Variants in AGAP1 observed in about 807,000 individuals in gnomAD.
AGAP1 encodes the protein arf-GAP with GTPase, ANK repeat and PH domain-containing protein 1.
A neutral mutation model predicts 105.3 loss-of-function variants in AGAP1; 29 were observed. The observed-to-expected ratio is 0.28, with a 90% CI of 0.21 to 0.38. AGAP1 has a LOEUF of 0.38. Ranked by LOEUF, AGAP1 falls within the 10% of genes least tolerant of loss-of-function variation. The probability of loss-of-function intolerance (pLI) is 1.00; values close to 1 mark genes in which losing one functional copy is unlikely to be tolerated. For synonymous variants in AGAP1, 509 were observed against 485.9 expected, an observed-to-expected ratio of 1.05 and a Z score of -0.63; for missense variants, 998 against 1,165.1, an observed-to-expected ratio of 0.86 and a Z score of 2.09.
At position 235,930,653 on chromosome 2, in the gene AGAP1, T is replaced by C; in HGVS notation, c.1325-112T>C. 2 of 1,108,806 alleles carry C rather than the reference T, an allele frequency of 1.8e-6. No homozygotes were observed. The highest frequency in any genetic ancestry group is 1.6e-5 in the South Asian group (1 of 63,640). 68.7% of individuals were successfully genotyped at this position (1,108,806 alleles called of 1,614,324 possible). The stretch of plus-strand genomic sequence containing the variant: ...GCCATGCAGGCAGGACAGGGGCTGC[T>C]CTCGGTGGTAAGGTGCACTATGTGC... On this transcript the variant is annotated intron_variant, in intron 11 of 17. Transcript: ENST00000304032. This position sits in a 1 kb window ranked among gnomAD's most constrained non-coding sequence, Gnocchi z 7.9.
intron 3 of AGAP1, among the ~76,000 whole-genome samples, chr2:235,718,908 C>G (rs971327252): frequency 6.6e-6 from 1 of 152,194 alleles, no homozygotes; most frequent in African/African-American, 2.4e-5. Context: ...TGTCAGGGCT[C>G]TGTCCCTGGG....
intron 1 of AGAP1, among the ~76,000 whole-genome samples, chr2:235,540,263 G>A (rs1337016086): frequency 1.3e-5 from 2 of 150,608 alleles, no homozygotes; most frequent in Non-Finnish European, 2.9e-5. Flanking sequence ...CAATTCTCGT[G>A]CCTCAGCTTC....
At position 236,073,397 on chromosome 2, in the gene AGAP1, G is replaced by A. The variant is rs114683206; in HGVS notation, c.2114+24116G>A. Among the ~76,000 whole-genome samples, 295 of 152,304 alleles carry A rather than the reference G, an allele frequency of 1.9e-3. 1 individual carries two copies. Among genetic ancestry groups the A allele is most frequent in the African/African-American group, 6.8e-3 (283 of 41,570 alleles). ...CGTTTCAAGCATCTGATGGCCACAT[G>A]TGGCCCATGTTTGGCAATCATGGGT... On this transcript the variant is annotated intron_variant, in intron 16 of 17. Coordinates refer to ENST00000304032, the MANE Select transcript of AGAP1 (RefSeq NM_001037131.3). The surrounding 1 kb of genome is among the most constrained non-coding windows in gnomAD (Gnocchi z 5.4).
At position 235,936,052 on chromosome 2, in the gene AGAP1, C is replaced by T. The variant is rs541475583; in HGVS notation, c.1483+5129C>T. ...GCTAATGCTGTTGCCATGGCAGCCT[C>T]GCTCCCCCAGCCCTGGACTGTCAGG... On this transcript the variant is annotated intron_variant, in intron 12 of 17. Transcript: ENST00000304032. The surrounding 1 kb of genome is among the most constrained non-coding windows in gnomAD (Gnocchi z 4.7). Among the ~76,000 whole-genome samples, 3 of 152,204 alleles carry T rather than the reference C, an allele frequency of 2.0e-5. No homozygotes were observed. The highest frequency in any genetic ancestry group is 2.9e-5 in the Non-Finnish European group (2 of 68,038).
At chr2:236,118,451 G>T (rs1320508990) in intron 16 of AGAP1, among the ~76,000 whole-genome samples, 1 of 146,190 alleles carries the variant, frequency 6.8e-6, no homozygotes, top group African/African-American at 2.6e-5. Context: ...GTGCAGTGGC[G>T]CAATCTCAGC....
rs1323132567 is a variant in AGAP1, at chr2:235,670,947, C to T, written c.164-38232C>T. 4 of 1,318,562 alleles carry T rather than the reference C, an allele frequency of 3.0e-6. No homozygotes were observed. In the South Asian group the frequency reaches 6.7e-5, roughly 22 times the overall value. The allele number at this position is 1,318,562 out of a possible 1,614,324, so 81.7% of individuals were successfully genotyped here. On this transcript the variant is annotated intron_variant, in intron 1 of 17. Coordinates refer to ENST00000304032, the MANE Select transcript of AGAP1 (RefSeq NM_001037131.3). ...AGGGACGGGGGCCCGGGCGGCGGGC[C>T]CTCGCCACGGAGCGGAGCCTCGCGG...
chr2:235,872,525 C>T lies in AGAP1; in HGVS notation c.1051-10820C>T, dbSNP rs542102392. Among the ~76,000 whole-genome samples, 2 of 152,210 alleles carry T rather than the reference C, an allele frequency of 1.3e-5. No homozygotes were observed. The highest frequency in any genetic ancestry group is 2.9e-5 in the Non-Finnish European group (2 of 68,038). On this transcript the variant is annotated intron_variant, in intron 9 of 17. Coordinates refer to ENST00000304032, the MANE Select transcript of AGAP1 (RefSeq NM_001037131.3). The surrounding 1 kb of genome is among the most constrained non-coding windows in gnomAD (Gnocchi z 4.5). ...GCACTCACTGACAGGAACTCTCTTCCTGAGCATCTCAGGCAGAGCCTTCCG... is the reference window on the plus strand; with the variant it reads ...GCACTCACTGACAGGAACTCTCTTCTTGAGCATCTCAGGCAGAGCCTTCCG...
At chr2:235,677,786 G>A (rs1948825753) in intron 1 of AGAP1, among the ~76,000 whole-genome samples, 1 of 151,758 alleles carries the variant, frequency 6.6e-6, no homozygotes, top group South Asian at 2.1e-4. Context: ...TTCTGATGCG[G>A]CTCCTGCCCT....
At position 236,120,669 on chromosome 2, in the gene AGAP1, G is replaced by C. The variant is rs534853817; in HGVS notation, c.2370+222G>C. On this transcript the variant is annotated intron_variant, in intron 17 of 17. Coordinates refer to ENST00000304032, the MANE Select transcript of AGAP1 (RefSeq NM_001037131.3). This position sits in a 1 kb window ranked among gnomAD's most constrained non-coding sequence, Gnocchi z 6.0. ...TAGAGTTTCTGAAAATTGCAACTTT[G>C]TGATTGCCCCTTATCAAGCAGGGTT... 6.6e-6 allele frequency among the ~76,000 whole-genome samples: 1 copy of C among 152,334 alleles called. No individual in the cohort carries two copies. The highest frequency in any genetic ancestry group is 2.4e-5 in the African/African-American group (1 of 41,572).
chr2:235,739,578 T>G lies in AGAP1; in HGVS notation c.311-1385T>G, dbSNP rs914973343. Among the ~76,000 whole-genome samples, 1 of 152,234 alleles carries G rather than the reference T, an allele frequency of 6.6e-6. No homozygotes were observed. The highest frequency in any genetic ancestry group is 2.4e-5 in the African/African-American group (1 of 41,468). The stretch of plus-strand genomic sequence containing the variant: ...CATCAAAAGGTTTTCTTCATTGTTG[T>G]GTTATTGAATGAACTGAACAGCAGA... On this transcript the variant is annotated intron_variant, in intron 3 of 17. Coordinates refer to ENST00000304032, the MANE Select transcript of AGAP1 (RefSeq NM_001037131.3). The surrounding 1 kb of genome is among the most constrained non-coding windows in gnomAD (Gnocchi z 5.3).
intron 13 of AGAP1, among the ~76,000 whole-genome samples, chr2:236,028,047 T>G (rs2057110618): frequency 1.3e-5 from 2 of 152,186 alleles, no homozygotes; most frequent in South Asian, 4.1e-4. Context: ...AAGAAAAGAA[T>G]ATCTTAAGTG....
rs1469244453 is a variant in AGAP1 at position 235,659,254 on chromosome 2, TA to T, written c.164-49924del. Among the ~76,000 whole-genome samples the T allele has an allele frequency of 3.9e-5, 6 of 152,326 alleles. No homozygotes were observed. The East Asian group carries it at 1.2e-3, about 29-fold the overall frequency. Reference sequence around the variant, plus strand: ...CCTTTTTAACCTGTGACTGACTTTTTATGTCTTTCTATGTCTGTAAAATCGG... The same window carrying T: ...CCTTTTTAACCTGTGACTGACTTTTTTGTCTTTCTATGTCTGTAAAATCGG... On this transcript the variant is annotated intron_variant, in intron 1 of 17. Coordinates refer to ENST00000304032, the MANE Select transcript of AGAP1 (RefSeq NM_001037131.3). The surrounding 1 kb of genome is among the most constrained non-coding windows in gnomAD (Gnocchi z 5.0).
intron 11 of AGAP1, among the ~76,000 whole-genome samples, chr2:235,910,517 G>A (rs2051553230): frequency 6.6e-6 from 1 of 152,098 alleles, no homozygotes; most frequent in Admixed American, 6.5e-5. Context: ...CTATGGGGTG[G>A]GAAGAGAGAA....
chr2:235,702,424 T>C (rs1950298842), intron 1 of AGAP1, among the ~76,000 whole-genome samples: 1 of 152,176 alleles, frequency 6.6e-6, no homozygotes, highest in Admixed American at 6.5e-5. Flanking sequence ...CCCTGGTCCT[T>C]GCAGCCAGGC....
At chr2:235,903,233 A>C (rs757287620) in intron 10 of AGAP1, among the ~76,000 whole-genome samples, 1 of 152,198 alleles carries the variant, frequency 6.6e-6, no homozygotes, top group South Asian at 2.1e-4. Context: ...ACTATTTTCC[A>C]TTATTTTTTT....
At chr2:235,802,911 GTGATGGTT>G (rs1957591784) in intron 8 of AGAP1, among the ~76,000 whole-genome samples, 1 of 38,982 alleles carries the variant, frequency 2.6e-5, no homozygotes, top group Non-Finnish European at 5.6e-5. Context: ...TTGTGATGGT[GTGATGGTT>G]GTGGTTGTGG....
rs187543277 is a variant in AGAP1, at chr2:236,110,954, A to G, written c.2115-9238A>G. ...AGGGTTCGGTCTCTGCTTCATGGAG[A>G]ATACCTCATTGCTACGTCCTCACGT... is the stretch of plus-strand genomic sequence containing the variant. On this transcript the variant is annotated intron_variant, in intron 16 of 17. Coordinates refer to ENST00000304032, the MANE Select transcript of AGAP1 (RefSeq NM_001037131.3). Among the ~76,000 whole-genome samples, 446 of 152,264 alleles carry G rather than the reference A, an allele frequency of 2.9e-3. 3 individuals are homozygous for G. Among genetic ancestry groups the G allele is most frequent in the Middle Eastern group, 0.01 (3 of 294 alleles).
chr2:235,927,384 G>A lies in AGAP1; in HGVS notation c.1325-3381G>A, dbSNP rs1203034201. Among the ~76,000 whole-genome samples the A allele has an allele frequency of 6.6e-6, 1 of 152,196 alleles. No individual in the cohort carries two copies. Among genetic ancestry groups the A allele is most frequent in the African/African-American group, 2.4e-5 (1 of 41,448 alleles). Reference sequence around the variant, plus strand: ...AGAGCTGCTGCACCAGCATCTCAGTGGATTGGACTTGTCCTTGTATTTTGA... The same window carrying A: ...AGAGCTGCTGCACCAGCATCTCAGTAGATTGGACTTGTCCTTGTATTTTGA... On this transcript the variant is annotated intron_variant, in intron 11 of 17. Coordinates refer to ENST00000304032, the MANE Select transcript of AGAP1 (RefSeq NM_001037131.3). The surrounding 1 kb of genome is among the most constrained non-coding windows in gnomAD (Gnocchi z 4.4).
intron 9 of AGAP1, among the ~76,000 whole-genome samples, chr2:235,858,565 A>G (rs1198552811): frequency 1.3e-5 from 2 of 152,184 alleles, no homozygotes; most frequent in East Asian, 3.9e-4. Context: ...CAGACCTTTT[A>G]ACTAATAACT....
Sources: allele counts gnomAD v4.1 joint callset (sites outside exome capture counted in the v4.1 genomes callset), GRCh38; gene constraint gnomAD v4.1.1; non-coding constraint Gnocchi (gnomAD v3.1); transcripts MANE v1.5; gene names NCBI Gene and HGNC (gene_info 2026-07-23, HGNC 2026-07-21).